KCTD8: variants seen among roughly 807,000 people sequenced by gnomAD.
The protein encoded by KCTD8 is potassium channel tetramerization domain containing 8.
In KCTD8, 27 loss-of-function variants were observed where a neutral mutation model predicts 31.5. The observed-to-expected ratio is 0.86, with a 90% CI of 0.63 to 1.18. KCTD8 has a LOEUF of 1.18. Ranked by LOEUF, KCTD8 falls within the 50% of genes most tolerant of loss-of-function variation. The pLI is 0.00. For missense variants in KCTD8, 658 were observed against 647.7 expected (o/e 1.02, Z -0.17); for synonymous variants, 290 against 280.0 (o/e 1.04, Z -0.36).
chr4:44,298,458 G>A (rs1245987595), intron 1 of KCTD8, among the ~76,000 whole-genome samples: 1 of 151,136 alleles, frequency 6.6e-6, no homozygotes, highest in Non-Finnish European at 1.5e-5. Flanking sequence ...AAGATGAACT[G>A]GGGGAAAAGG....
intron 1 of KCTD8, among the ~76,000 whole-genome samples, chr4:44,267,771 C>G (rs945664531): frequency 6.6e-6 from 1 of 152,112 alleles, no homozygotes; most frequent in African/African-American, 2.4e-5. Flanking sequence ...AACACCTCTA[C>G]GCAAATAAAC....
At chr4:44,415,094 G>A (rs1721042667) in intron 1 of KCTD8, among the ~76,000 whole-genome samples, 1 of 152,130 alleles carries the variant, frequency 6.6e-6, no homozygotes, top group African/African-American at 2.4e-5. Context: ...TGAAGTAAAG[G>A]TCATCCATGT....
At chr4:44,269,625 T>G (rs1275882333) in intron 1 of KCTD8, among the ~76,000 whole-genome samples, 1 of 152,008 alleles carries the variant, frequency 6.6e-6, no homozygotes, top group African/African-American at 2.4e-5. Context: ...GGGAGAAAAT[T>G]TTCGCAACCT....
At chr4:44,407,646 A>G (rs1351256324) in intron 1 of KCTD8, among the ~76,000 whole-genome samples, 1 of 152,034 alleles carries the variant, frequency 6.6e-6, no homozygotes, top group Non-Finnish European at 1.5e-5. Flanking sequence ...TTGGCCTCCC[A>G]AAGTGCTGGG....
intron 1 of KCTD8, among the ~76,000 whole-genome samples, chr4:44,202,100 T>C (rs1192652688): frequency 1.3e-5 from 2 of 152,114 alleles, no homozygotes; most frequent in South Asian, 2.1e-4. Context: ...TACAGTCTTA[T>C]ATTAGTCAGA....
At chr4:44,181,105 A>G (rs988314542) in intron 1 of KCTD8, among the ~76,000 whole-genome samples, 5 of 152,078 alleles carry the variant, frequency 3.3e-5, no homozygotes, top group Admixed American at 2.6e-4. Flanking sequence ...CGCATAGTGC[A>G]GACTGTCTGG....
intron 1 of KCTD8, among the ~76,000 whole-genome samples, chr4:44,371,310 T>G (rs533005076): frequency 6.6e-6 from 1 of 152,320 alleles, no homozygotes; most frequent in Admixed American, 6.5e-5. Flanking sequence ...CCAGAAATAC[T>G]GTTTTATCAA....
intron 1 of KCTD8, among the ~76,000 whole-genome samples, chr4:44,378,255 A>ATC (rs1560439991): frequency 2.0e-5 from 3 of 147,536 alleles, no homozygotes; most frequent in Non-Finnish European, 4.5e-5. Context: ...ATATATATAT[A>ATC]TATCTCCATG....
intron 1 of KCTD8, among the ~76,000 whole-genome samples, chr4:44,438,318 G>A (rs1721727436): frequency 6.6e-6 from 1 of 152,072 alleles, no homozygotes; most frequent in South Asian, 2.1e-4. Context: ...TGAAATTTTG[G>A]CCAAATGCCT....
In KCTD8 at chr4:44,448,559, C is replaced by T; in HGVS notation, c.-36G>A. 1.4e-6 allele frequency: 2 copies of T among 1,412,942 alleles called. No homozygotes were observed. Among genetic ancestry groups the T allele is most frequent in the Non-Finnish European group, 9.2e-7 (1 of 1,087,466 alleles). 87.5% of individuals were successfully genotyped at this position (1,412,942 alleles called of 1,614,324 possible). ...CCGCCGGCCCAGTGACCCGAGAGAGCTGCACTTTCTCGTTCCCGGAGCCCG... is the reference window on the plus strand; with the variant it reads ...CCGCCGGCCCAGTGACCCGAGAGAGTTGCACTTTCTCGTTCCCGGAGCCCG... On this transcript the variant is annotated 5_prime_UTR_variant, in exon 1 of 2. Coordinates refer to ENST00000360029, the MANE Select transcript of KCTD8 (RefSeq NM_198353.3). This position sits in a 1 kb window ranked among gnomAD's most constrained non-coding sequence, Gnocchi z 4.1.
intron 1 of KCTD8, among the ~76,000 whole-genome samples, chr4:44,320,970 G>A (rs924886073): frequency 3.9e-5 from 6 of 152,162 alleles, no homozygotes; most frequent in Non-Finnish European, 8.8e-5. Flanking sequence ...AAACTGGAAG[G>A]TGCCAAAAAT....
At chr4:44,204,397 T>C (rs567823764) in intron 1 of KCTD8, among the ~76,000 whole-genome samples, 1 of 152,256 alleles carries the variant, frequency 6.6e-6, no homozygotes, top group Non-Finnish European at 1.5e-5. Flanking sequence ...ATCTAATCGG[T>C]TATGTTATCT....
intron 1 of KCTD8, among the ~76,000 whole-genome samples, chr4:44,353,338 A>G (rs534620434): frequency 6.6e-6 from 1 of 152,006 alleles, no homozygotes; most frequent in Non-Finnish European, 1.5e-5. Context: ...TTTTATTTAT[A>G]ATTATTACAA....
chr4:44,194,193 T>G (rs1351149099), intron 1 of KCTD8, among the ~76,000 whole-genome samples: 1 of 151,830 alleles, frequency 6.6e-6, no homozygotes, highest in Non-Finnish European at 1.5e-5. Context: ...CTGCTAAGAG[T>G]TTTCAGACCC....
At position 44,212,798 on chromosome 4, in the gene KCTD8, T is replaced by C. The variant is rs78662068; in HGVS notation, c.962-37548A>G. Among the ~76,000 whole-genome samples, 492 of 152,322 alleles carry C rather than the reference T, an allele frequency of 3.2e-3. 17 individuals are homozygous for C. The East Asian group carries it at 0.072, about 22-fold the overall frequency. On this transcript the variant is annotated intron_variant, in intron 1 of 1. Coordinates refer to ENST00000360029, the MANE Select transcript of KCTD8 (RefSeq NM_198353.3). ...TTAATCTCATCTAAAAGTCTATAAATTGTAGCTGGCAATTTCAGTCCATTT... is the reference window on the plus strand; with the variant it reads ...TTAATCTCATCTAAAAGTCTATAAACTGTAGCTGGCAATTTCAGTCCATTT...
chr4:44,207,288 T>C (rs1011181936), intron 1 of KCTD8, among the ~76,000 whole-genome samples: 2 of 152,200 alleles, frequency 1.3e-5, no homozygotes, highest in Non-Finnish European at 1.5e-5. Flanking sequence ...AACCATCTCT[T>C]TCATATATTT....
intron 1 of KCTD8, among the ~76,000 whole-genome samples, chr4:44,380,036 C>T (rs1720019496): frequency 6.6e-6 from 1 of 151,738 alleles, no homozygotes; most frequent in Admixed American, 6.6e-5. Flanking sequence ...CTAGCTTATA[C>T]AGATATACAT....
At chr4:44,349,232 G>A (rs931121025) in intron 1 of KCTD8, among the ~76,000 whole-genome samples, 3 of 152,094 alleles carry the variant, frequency 2.0e-5, no homozygotes, top group African/African-American at 2.4e-5. Context: ...TGTGGATAAT[G>A]TCTGTGAAAG....
At chr4:44,319,257 T>A (rs952082318) in intron 1 of KCTD8, among the ~76,000 whole-genome samples, 2 of 152,170 alleles carry the variant, frequency 1.3e-5, no homozygotes, top group Non-Finnish European at 2.9e-5. Context: ...AAGCTTCAGT[T>A]TGTAATTTCT....
Sources: allele counts gnomAD v4.1 joint callset (sites outside exome capture counted in the v4.1 genomes callset), GRCh38; gene constraint gnomAD v4.1.1; non-coding constraint Gnocchi (gnomAD v3.1); transcripts MANE v1.5; gene names NCBI Gene and HGNC (gene_info 2026-07-23, HGNC 2026-07-21).